Variants in CAMKMT observed in about 807,000 individuals in gnomAD.
The protein encoded by CAMKMT is calmodulin-lysine N-methyltransferase, also known as CaM KMT.
A neutral mutation model predicts 48.0 loss-of-function variants in CAMKMT; 53 were observed. The ratio of observed to expected loss-of-function variants is 1.10; its 90% CI spans 0.89 to 1.39. CAMKMT has a LOEUF of 1.39. Ranked by LOEUF, CAMKMT falls within the 40% of genes most tolerant of loss-of-function variation. The pLI is 0.00. For missense variants in CAMKMT, 428 were observed against 402.7 expected (o/e 1.06, Z -0.54); for synonymous variants, 165 against 152.3 (o/e 1.08, Z -0.61).
intron 3 of CAMKMT, among the ~76,000 whole-genome samples, chr2:44,504,748 T>G (rs1670174368): frequency 6.6e-6 from 1 of 152,240 alleles, no homozygotes; most frequent in African/African-American, 2.4e-5. Context: ...TGTGCTTATT[T>G]TCCATCTGTA....
chr2:44,737,371 C>G (rs1465360605), intron 7 of CAMKMT, among the ~76,000 whole-genome samples: 1 of 152,122 alleles, frequency 6.6e-6, no homozygotes, highest in African/African-American at 2.4e-5. Context: ...CCCACCTTGA[C>G]CGCCCAAAGT....
At chr2:44,558,048 TTCATTCATTC>T (rs1232659802) in intron 3 of CAMKMT, among the ~76,000 whole-genome samples, 290 of 151,878 alleles carry the variant, frequency 1.9e-3, no homozygotes, top group Non-Finnish European at 3.0e-3. Flanking sequence ...CATTCATTCA[TTCATTCATTC>T]ATTCATTCAT....
At chr2:44,478,945 C>T (rs1449077067) in intron 3 of CAMKMT, among the ~76,000 whole-genome samples, 4 of 152,118 alleles carry the variant, frequency 2.6e-5, no homozygotes, top group African/African-American at 9.7e-5. Flanking sequence ...GTGATCCGCC[C>T]GCCTCGGCCT....
chr2:44,526,309 T>C (rs1671401045), intron 3 of CAMKMT, among the ~76,000 whole-genome samples: 1 of 152,210 alleles, frequency 6.6e-6, no homozygotes, highest in African/African-American at 2.4e-5. Flanking sequence ...TTTCCTATTT[T>C]TATACATGTA....
chr2:44,724,936 T>G (rs151012114), intron 7 of CAMKMT, among the ~76,000 whole-genome samples: 1 of 152,152 alleles, frequency 6.6e-6, no homozygotes, highest in African/African-American at 2.4e-5. Flanking sequence ...TTTGTTTTAT[T>G]GTCACAATAG....
At chr2:44,696,222 C>T (rs1398417987) in intron 3 of CAMKMT, among the ~76,000 whole-genome samples, 1 of 152,126 alleles carries the variant, frequency 6.6e-6, no homozygotes, top group Non-Finnish European at 1.5e-5. Flanking sequence ...GGATTACAGG[C>T]GTGAGCCACT....
intron 3 of CAMKMT, among the ~76,000 whole-genome samples, chr2:44,459,562 C>T (rs1667746288): frequency 6.6e-6 from 1 of 152,120 alleles, no homozygotes; most frequent in Non-Finnish European, 1.5e-5. Context: ...TTATAAATAG[C>T]TTTCAGCAGA....
intron 8 of CAMKMT, among the ~76,000 whole-genome samples, chr2:44,744,339 G>T (rs910089030): frequency 1.3e-5 from 2 of 152,040 alleles, no homozygotes; most frequent in Non-Finnish European, 2.9e-5. Context: ...TTTACATTCG[G>T]TATTTTGCCC....
At chr2:44,462,624 G>T (rs1326077340) in intron 3 of CAMKMT, among the ~76,000 whole-genome samples, 3 of 152,008 alleles carry the variant, frequency 2.0e-5, no homozygotes, top group African/African-American at 7.2e-5. Flanking sequence ...CTGGGTCAAA[G>T]GTTTTATTTT....
intron 3 of CAMKMT, among the ~76,000 whole-genome samples, chr2:44,615,696 T>A (rs1038771858): frequency 5.3e-5 from 8 of 152,178 alleles, no homozygotes; most frequent in African/African-American, 1.9e-4. Context: ...TCAATATTTT[T>A]AAAGTATTGT....
chr2:44,745,831 A>G (rs1328389026), intron 8 of CAMKMT, among the ~76,000 whole-genome samples: 3 of 152,252 alleles, frequency 2.0e-5, no homozygotes, highest in Non-Finnish European at 4.4e-5. Context: ...TAGAAAGTAC[A>G]GTAATATTTC....
At chr2:44,405,091 T>A (rs1228493013) in intron 3 of CAMKMT, among the ~76,000 whole-genome samples, 3 of 152,106 alleles carry the variant, frequency 2.0e-5, no homozygotes, top group Non-Finnish European at 2.9e-5. Context: ...GAGTTCATTA[T>A]TTTCTATCTC....
In CAMKMT at chr2:44,754,077, G is replaced by C; in HGVS notation, c.721G>C (p.Ala241Pro). 6.2e-7 allele frequency: 1 copy of C among 1,614,034 alleles called. No individual in the cohort carries two copies. The highest frequency in any genetic ancestry group is 8.5e-7 in the Non-Finnish European group (1 of 1,179,942). Residue 241 changes from alanine (A) to proline (P), a missense_variant, in exon 9 of 11, where the codon GCC (alanine) becomes CCC (proline). Transcript: ENST00000378494. ...CAGCCTGTTTCTGGACCAGTACAGA[G>C]CCAGCCTTGTTGATGCAATAAAGAG... ...ADCLFLDQYR[A>P]SLVDAIKRLL...
intron 7 of CAMKMT, among the ~76,000 whole-genome samples, chr2:44,718,258 T>C (rs1284020550): frequency 6.6e-6 from 1 of 152,158 alleles, no homozygotes; most frequent in Non-Finnish European, 1.5e-5. Context: ...CCTCTATCCA[T>C]TTTAATCATA....
At chr2:44,428,266 G>A (rs1306523154) in intron 3 of CAMKMT, among the ~76,000 whole-genome samples, 1 of 152,146 alleles carries the variant, frequency 6.6e-6, no homozygotes, top group Non-Finnish European at 1.5e-5. Context: ...GGGGTGGAGT[G>A]AGAAGATAAT....
intron 1 of CAMKMT, among the ~76,000 whole-genome samples, chr2:44,362,717 T>C (rs1274213790): frequency 6.6e-6 from 1 of 152,202 alleles, no homozygotes; most frequent in Non-Finnish European, 1.5e-5. Flanking sequence ...ATGATTATCT[T>C]GTAGTTTGTA....
At chr2:44,365,298 G>GAC (rs1365315515) in intron 1 of CAMKMT, among the ~76,000 whole-genome samples, 2 of 152,078 alleles carry the variant, frequency 1.3e-5, no homozygotes, top group African/African-American at 4.8e-5. Flanking sequence ...TAACTATTCA[G>GAC]TATTTTCTGT....
chr2:44,521,593 A>G (rs1280789455), intron 3 of CAMKMT, among the ~76,000 whole-genome samples: 2 of 152,188 alleles, frequency 1.3e-5, no homozygotes, highest in African/African-American at 4.8e-5. Context: ...TCCCAATTTT[A>G]TAGTTGAGAA....
intron 3 of CAMKMT, among the ~76,000 whole-genome samples, chr2:44,693,726 AC>A (rs1429694820): frequency 3.9e-4 from 59 of 152,216 alleles, no homozygotes; most frequent in Middle Eastern, 3.2e-3. Context: ...AGAAAAGGAG[AC>A]AGAGTACAAA....
Sources: gnomAD v4.1 joint callset for allele counts (sites outside exome capture counted in the v4.1 genomes callset) on GRCh38, gnomAD v4.1.1 for gene constraint, MANE v1.5 for transcripts, NCBI Gene and HGNC (gene_info 2026-07-23, HGNC 2026-07-21) for gene names.